ATP10A: variants seen among roughly 807,000 people sequenced by gnomAD.
ATP10A encodes phospholipid-transporting ATPase VA.
ATP10A carries 111 observed loss-of-function variants against 147.8 expected under a neutral mutation model. That is an observed-to-expected ratio of 0.75 (90% CI 0.64 to 0.88). ATP10A has a LOEUF of 0.88. Ranked by LOEUF, ATP10A falls within the 40% of genes least tolerant of loss-of-function variation. ATP10A has a pLI of 0.00. For missense variants in ATP10A, 1,927 were observed against 1,959.0 expected (o/e 0.98, Z 0.31); for synonymous variants, 875 against 841.6 (o/e 1.04, Z -0.69).
intron 10 of ATP10A, chr15:25,710,236 C>T (rs558940926): frequency 6.6e-6 from 1 of 152,274 alleles, no homozygotes; most frequent in African/African-American, 2.4e-5. Context: ...CTCAGCTCCT[C>T]GGGTGAGGAG....
downstream of ATP10A, among the ~76,000 whole-genome samples, chr15:25,672,301 T>C (rs571388140): frequency 1.3e-5 from 2 of 152,338 alleles, no homozygotes; most frequent in Admixed American, 1.3e-4. Flanking sequence ...TCATCTGTGT[T>C]GTACATGTGT....
At chr15:25,694,539 T>C (rs978478378) in intron 14 of ATP10A, among the ~76,000 whole-genome samples, 4 of 152,232 alleles carry the variant, frequency 2.6e-5, no homozygotes, top group Non-Finnish European at 4.4e-5. Context: ...TCTTGTGTGC[T>C]GTCTCCTGAG....
chr15:25,734,246 G>A (rs770435710), intron 3 of ATP10A, among the ~76,000 whole-genome samples: 1 of 152,206 alleles, frequency 6.6e-6, no homozygotes, highest in Non-Finnish European at 1.5e-5. Flanking sequence ...GCAGGCCTTC[G>A]TATCTGTCCC....
At chr15:25,751,285 T>G (rs537647165) in intron 2 of ATP10A, among the ~76,000 whole-genome samples, 1 of 152,210 alleles carries the variant, frequency 6.6e-6, no homozygotes, top group Admixed American at 6.5e-5. Flanking sequence ...AACTGATAGA[T>G]CTGCAAAGAG....
At chr15:25,718,119 G>C (rs1273426422) in intron 8 of ATP10A, 63 bp downstream of exon 8, 2 of 1,522,892 alleles carry the variant, frequency 1.3e-6, no homozygotes, top group Non-Finnish European at 9.0e-7. Flanking sequence ...TTCCATGAGC[G>C]GGGGATGGTG....
At chr15:25,855,155 A>G (rs1435521081) in intron 1 of ATP10A, among the ~76,000 whole-genome samples, 1 of 152,124 alleles carries the variant, frequency 6.6e-6, no homozygotes, top group East Asian at 1.9e-4. Flanking sequence ...CTTTTCTGAT[A>G]TCAAAACCAG....
In ATP10A at chr15:25,704,509, T is replaced by C. The variant is rs143601934; in HGVS notation, c.2576-2409A>G. On this transcript the variant is annotated intron_variant, in intron 12 of 20. Coordinates refer to ENST00000555815, the MANE Select transcript of ATP10A (RefSeq NM_024490.4). ...GCCGGAAACTCCAGTACGGAGGGTG[T>C]CTGCTGTTTCACAGGGAAAAGTTAA... Among the ~76,000 whole-genome samples the C allele has an allele frequency of 6.9e-3, 1,045 of 152,300 alleles. 19 individuals carry two copies. The highest frequency in any genetic ancestry group is 0.024 in the African/African-American group (992 of 41,564).
chr15:25,734,816 C>T (rs1316367123), intron 3 of ATP10A, among the ~76,000 whole-genome samples: 1 of 152,186 alleles, frequency 6.6e-6, no homozygotes, highest in Non-Finnish European at 1.5e-5. Context: ...TCAGCTTTTG[C>T]TGTGCAGAGT....
intron 2 of ATP10A, among the ~76,000 whole-genome samples, chr15:25,751,729 G>A (rs1475070685): frequency 6.6e-6 from 1 of 152,038 alleles, no homozygotes; most frequent in African/African-American, 2.4e-5. Context: ...GAAAATATCT[G>A]CAAGCCATAT....
chr15:25,803,239 C>T (rs983517643), intron 1 of ATP10A, among the ~76,000 whole-genome samples: 4 of 152,250 alleles, frequency 2.6e-5, no homozygotes, highest in Admixed American at 6.5e-5. Flanking sequence ...TTCCGCCACA[C>T]CGTCCCCTCC....
chr15:25,751,004 T>C (rs1289096889), intron 2 of ATP10A, among the ~76,000 whole-genome samples: 2 of 152,084 alleles, frequency 1.3e-5, no homozygotes, highest in Non-Finnish European at 2.9e-5. Flanking sequence ...ATTAATCACA[T>C]TAAATGCAAA....
intron 15 of ATP10A, among the ~76,000 whole-genome samples, chr15:25,690,004 AGAAT>A (rs1288879607): frequency 6.6e-6 from 1 of 152,262 alleles, no homozygotes; most frequent in African/African-American, 2.4e-5. Context: ...CAACAAAGTC[AGAAT>A]GAATGAACTA....
At chr15:25,780,991 C>T (rs1016512289) in intron 2 of ATP10A, 28 bp downstream of exon 2, 14 of 1,609,494 alleles carry the variant, frequency 8.7e-6, no homozygotes, top group African/African-American at 5.3e-5. Flanking sequence ...GTAATGCCTG[C>T]AAGGCCCTGG....
intron 9 of ATP10A, among the ~76,000 whole-genome samples, chr15:25,714,869 C>T (rs1346356237): frequency 2.6e-5 from 4 of 152,036 alleles, no homozygotes; most frequent in South Asian, 2.1e-4. Context: ...CCAAATAATC[C>T]TTCTAAGCGC....
chr15:25,673,656 A>T (rs7169527), downstream of ATP10A, among the ~76,000 whole-genome samples: 66,822 of 152,048 alleles, frequency 0.44, 15,239 homozygotes, highest in South Asian at 0.65. Context: ...ACTGTCACCC[A>T]GAGAAGGCCT....
In ATP10A at chr15:25,840,321, T is replaced by C. The variant is rs1647488004; in HGVS notation, c.449+22327A>G. 3.3e-5 allele frequency among the ~76,000 whole-genome samples: 5 copies of C among 152,098 alleles called. No homozygotes were observed. The South Asian group carries it at 8.3e-4, about 25-fold the overall frequency. On this transcript the variant is annotated intron_variant, in intron 1 of 20. Coordinates refer to ENST00000555815, the MANE Select transcript of ATP10A (RefSeq NM_024490.4). ...TATTAAGCCTAGTACCCAACAGTTA[T>C]CTTTTCTGCTTCTCTTTCTCCTCTC...
intron 13 of ATP10A, 24 bp from the exon 14 acceptor site, chr15:25,695,170 C>A (rs148968425): frequency 1.9e-6 from 3 of 1,582,572 alleles, no homozygotes; most frequent in Non-Finnish European, 2.6e-6. Flanking sequence ...GAGAGGACAG[C>A]GCAGTTCCCT....
intron 1 of ATP10A, among the ~76,000 whole-genome samples, chr15:25,808,326 C>A (rs1440917762): frequency 6.6e-6 from 1 of 152,208 alleles, no homozygotes; most frequent in Non-Finnish European, 1.5e-5. Context: ...CAACACAAGT[C>A]ACAACAGCTC....
At chr15:25,715,042 A>G (rs533005508) in intron 9 of ATP10A, among the ~76,000 whole-genome samples, 55 of 152,186 alleles carry the variant, frequency 3.6e-4, no homozygotes, top group African/African-American at 1.3e-3. Context: ...AGGGCAACAG[A>G]GCCACGCTTT....
Sources: gnomAD v4.1 joint callset for allele counts (sites outside exome capture counted in the v4.1 genomes callset) on GRCh38, gnomAD v4.1.1 for gene constraint, MANE v1.5 for transcripts, NCBI Gene and HGNC (gene_info 2026-07-23, HGNC 2026-07-21) for gene names.